Variants in HDAC9 observed in about 807,000 individuals in gnomAD.
HDAC9 encodes the protein MEF-2 interacting transcription repressor (MITR) protein.
In HDAC9, 41 loss-of-function variants were observed where a neutral mutation model predicts 139.4. The observed-to-expected ratio is 0.29, with a 90% CI of 0.23 to 0.38. HDAC9 has a LOEUF of 0.38. HDAC9 is among the 10% of genes least tolerant of loss of function. The pLI is 1.00. For missense variants in HDAC9, 1,147 were observed against 1,297.0 expected (o/e 0.88, Z 1.78); for synonymous variants, 517 against 476.2 (o/e 1.09, Z -1.12).
intron 2 of HDAC9, among the ~76,000 whole-genome samples, chr7:18,216,587 G>T (rs1004529583): frequency 2.6e-5 from 4 of 152,256 alleles, no homozygotes; most frequent in Non-Finnish European, 4.4e-5. Flanking sequence ...TATTTAGCAT[G>T]CAGGGATAGG....
chr7:18,143,945 G>A (rs1367858541), intron 1 of HDAC9, among the ~76,000 whole-genome samples: 2 of 151,996 alleles, frequency 1.3e-5, no homozygotes, highest in South Asian at 2.1e-4. Context: ...AGCCTAAATC[G>A]ACATGGATCA....
Position 18,984,849 on chromosome 7 carries a change from G to A in HDAC9, c.3170+8896G>A, listed in dbSNP as rs561156210. ...GTAATGGTACTGTTAGAAAATCTAT[G>A]TCAATTCCCCACAAAAACTTGCTGC... On this transcript the variant is annotated intron_variant, in intron 25 of 25. Transcript: ENST00000686413. Among the ~76,000 whole-genome samples the A allele has an allele frequency of 2.2e-3, 332 of 152,218 alleles. 2 individuals are homozygous for A. The highest frequency in any genetic ancestry group is 7.6e-3 in the African/African-American group (314 of 41,546).
At chr7:18,452,771 T>C (rs1042975385) in intron 1 of HDAC9, among the ~76,000 whole-genome samples, 1 of 152,172 alleles carries the variant, frequency 6.6e-6, no homozygotes, top group African/African-American at 2.4e-5. Flanking sequence ...CCTGCCGCCA[T>C]GTAAGATGTG....
At chr7:18,987,965 T>C (rs1050603801) in intron 25 of HDAC9, among the ~76,000 whole-genome samples, 1 of 152,220 alleles carries the variant, frequency 6.6e-6, no homozygotes, top group African/African-American at 2.4e-5. Context: ...CCTTTTCTTC[T>C]TTATTAGTCT....
chr7:18,119,729 G>C (rs1020211757), intron 1 of HDAC9, among the ~76,000 whole-genome samples: 2 of 152,212 alleles, frequency 1.3e-5, no homozygotes, highest in Admixed American at 1.3e-4. Context: ...CTGAAAGTAA[G>C]TGTGTCAGTT....
At chr7:18,534,124 TA>T (rs1160673017) in intron 2 of HDAC9, among the ~76,000 whole-genome samples, 25 of 152,238 alleles carry the variant, frequency 1.6e-4, no homozygotes, top group Admixed American at 3.9e-4. Flanking sequence ...CCTTCATATT[TA>T]AAATGAGCAT....
intron 1 of HDAC9, among the ~76,000 whole-genome samples, chr7:18,296,999 A>T (rs908046363): frequency 4.6e-5 from 7 of 152,208 alleles, no homozygotes; most frequent in South Asian, 2.1e-4. Context: ...TGTACTTGCC[A>T]TGGAAGCAGG....
At chr7:18,547,208 G>A (rs1554488072) in intron 2 of HDAC9, among the ~76,000 whole-genome samples, 1 of 152,176 alleles carries the variant, frequency 6.6e-6, no homozygotes, top group Non-Finnish European at 1.5e-5. Flanking sequence ...CAGGGTGGTG[G>A]TTGCTGAAGG....
chr7:18,452,530 G>A (rs1036417022), intron 1 of HDAC9, among the ~76,000 whole-genome samples: 1 of 152,122 alleles, frequency 6.6e-6, no homozygotes, highest in African/African-American at 2.4e-5. Context: ...AGTCTTATAA[G>A]ATGCAGACTT....
chr7:18,169,450 AGT>A (rs1788250397), intron 2 of HDAC9, among the ~76,000 whole-genome samples: 1 of 149,788 alleles, frequency 6.7e-6, no homozygotes, highest in Non-Finnish European at 1.5e-5. Context: ...ATGATACATC[AGT>A]TTTTTTTTCT....
Position 18,727,733 on chromosome 7 carries a change from C to T in HDAC9, c.1885C>T (p.Pro629Ser). Residue 629 changes from proline (P) to serine (S), a missense_variant, in exon 13 of 26, where the codon CCC (proline) becomes TCC (serine). Physicochemically the swap from Pro to Ser is moderately conservative, Grantham distance 74. Transcript: ENST00000686413. ...SVLPHPAMDR[P>S]LQPGSATGIA... Reference sequence around the variant, plus strand: ...TTTACCTCACCCAGCAATGGACCGCCCCCTCCAGCCTGGCTCTGCAACTGG... The same window carrying T: ...TTTACCTCACCCAGCAATGGACCGCTCCCTCCAGCCTGGCTCTGCAACTGG... 1.3e-6 allele frequency: 2 copies of T among 1,548,492 alleles called. No homozygotes were observed. Among genetic ancestry groups the T allele is most frequent in the Non-Finnish European group, 1.7e-6 (2 of 1,155,422 alleles).
intron 2 of HDAC9, among the ~76,000 whole-genome samples, chr7:18,186,414 G>C (rs1378570488): frequency 6.6e-6 from 1 of 152,248 alleles, no homozygotes; most frequent in Non-Finnish European, 1.5e-5. Context: ...CGCTGGCACC[G>C]GACTTGTGGT....
chr7:18,496,333 C>T lies in HDAC9; in HGVS notation c.22+9C>T, dbSNP rs773641101. 1 of 1,611,516 alleles carries T rather than the reference C, an allele frequency of 6.2e-7. No individual in the cohort carries two copies. The highest frequency in any genetic ancestry group is 1.1e-5 in the South Asian group (1 of 90,892). The stretch of plus-strand genomic sequence containing the variant: ...CAGTATGATCAGCTCAGGTAAGATC[C>T]TCTTTCATAACTGAGACGTTTTAGG... On this transcript the variant is annotated intron_variant, in intron 2 of 25. Coordinates refer to ENST00000686413, the MANE Select transcript of HDAC9 (RefSeq NM_178425.4).
At position 18,998,624 on chromosome 7, in the gene HDAC9, C is replaced by T. The variant is rs1786593936; in HGVS notation, c.*2562C>T. 1 of 152,168 alleles carries T rather than the reference C, an allele frequency of 6.6e-6. No individual in the cohort carries two copies. Among genetic ancestry groups the T allele is most frequent in the Non-Finnish European group, 1.5e-5 (1 of 68,028 alleles). 9.4% of individuals were successfully genotyped at this position (152,168 alleles called of 1,614,324 possible). On this transcript the variant is annotated 3_prime_UTR_variant, in exon 26 of 26. Transcript: ENST00000686413. Reference sequence around the variant, plus strand: ...ATATCAACACTTCTTTTGAAATAGACCAGCACTTTTTGAAAGGGTAGTTTC... The same window carrying T: ...ATATCAACACTTCTTTTGAAATAGATCAGCACTTTTTGAAAGGGTAGTTTC...
At chr7:18,140,484 CTT>C in intron 1 of HDAC9, among the ~76,000 whole-genome samples, 1 of 152,254 alleles carries the variant, frequency 6.6e-6, no homozygotes, top group Non-Finnish European at 1.5e-5. Flanking sequence ...TATCCCATCT[CTT>C]ATTATTTTAC....
At chr7:18,946,369 T>C (rs905761907) in intron 23 of HDAC9, among the ~76,000 whole-genome samples, 1 of 152,050 alleles carries the variant, frequency 6.6e-6, no homozygotes, top group African/African-American at 2.4e-5. Context: ...AGTTCACCAA[T>C]TAAGACAAAG....
chr7:18,109,511 T>C (rs926401287), intron 1 of HDAC9, among the ~76,000 whole-genome samples: 1 of 152,168 alleles, frequency 6.6e-6, no homozygotes, highest in Admixed American at 6.5e-5. Flanking sequence ...ATTAAAAGAA[T>C]TTGAGAAATC....
Position 18,207,524 on chromosome 7 carries a change from A to G in HDAC9, c.25+45175A>G, listed in dbSNP as rs536604030. Among the ~76,000 whole-genome samples, 3 of 95,550 alleles carry G rather than the reference A, an allele frequency of 3.1e-5. No homozygotes were observed. The South Asian group carries it at 1.1e-3, about 36-fold the overall frequency. 62.7% of individuals were successfully genotyped at this position (95,550 alleles called of 152,430 possible). ...TGGGCTCAAGCTGTCCTCTCACCTC[A>G]TCTGCCCAAGGAGTCTTTTTTTTTT... On this transcript the variant is annotated intron_variant, in intron 2 of 12. Coordinates refer to the HDAC9 transcript ENST00000417496.
chr7:18,893,057 A>G (rs1800837406), intron 22 of HDAC9, among the ~76,000 whole-genome samples: 1 of 150,220 alleles, frequency 6.7e-6, no homozygotes, highest in East Asian at 1.9e-4. Context: ...AAAAAAAAGA[A>G]AAGAAAAGAA....
Sources: allele counts gnomAD v4.1 joint callset (sites outside exome capture counted in the v4.1 genomes callset), GRCh38; gene constraint gnomAD v4.1.1; transcripts MANE v1.5; gene names NCBI Gene and HGNC (gene_info 2026-07-23, HGNC 2026-07-21).